Variants in KDM3A observed in about 807,000 individuals in gnomAD.
The protein encoded by KDM3A is lysine demethylase 3A.
KDM3A carries 60 observed loss-of-function variants against 158.0 expected under a neutral mutation model. The ratio of observed to expected loss-of-function variants is 0.38; its 90% CI spans 0.31 to 0.47. The LOEUF is 0.47. KDM3A is among the 20% of genes least tolerant of loss of function. The probability of loss-of-function intolerance (pLI) is 0.99; values close to 1 mark genes in which losing one functional copy is unlikely to be tolerated. For synonymous variants in KDM3A, 608 were observed against 549.3 expected (o/e 1.11, Z -1.49); for missense variants, 1,319 against 1,574.3 (o/e 0.84, Z 2.74).
intron 18 of KDM3A, 156 bp downstream of exon 18, chr2:86,482,850 C>CA (rs1674005227): frequency 4.2e-6 from 3 of 714,472 alleles, no homozygotes; most frequent in Non-Finnish European, 7.0e-6. Context: ...AGGATGTGGC[C>CA]ATGGGTCTTA....
At position 86,491,264 on chromosome 2, in the gene KDM3A, G is replaced by C. The variant is rs1202215448; in HGVS notation, c.3874G>C (p.Asp1292His). ...YLSQTHTNHEDKLQVKNVIYH... is the reference protein window; with the variant it reads ...YLSQTHTNHEHKLQVKNVIYH... ...GTCACAGACTCATACCAATCACGAA[G>C]ATAAATTACAGGTAAAAATAGCACC... is the stretch of plus-strand genomic sequence containing the variant. Residue 1292 changes from aspartate (D) to histidine (H), a missense_variant, in exon 25 of 26, where the codon GAT becomes CAT. This residue lies in a region of KDM3A where 186 missense variants were observed against 340.9 expected (regional missense o/e 0.55). Coordinates refer to ENST00000312912, the MANE Select transcript of KDM3A (RefSeq NM_018433.6). 1 of 1,613,626 alleles carries C rather than the reference G, an allele frequency of 6.2e-7. No homozygotes were observed. Among genetic ancestry groups the C allele is most frequent in the African/African-American group, 1.3e-5 (1 of 74,882 alleles).
chr2:86,476,240 A>G (rs1013620585), intron 12 of KDM3A, among the ~76,000 whole-genome samples: 2 of 152,352 alleles, frequency 1.3e-5, no homozygotes, highest in East Asian at 3.9e-4. Context: ...CATGACTGCA[A>G]TGTGGAAACA....
chr2:86,475,877 C>G (rs1435749784), intron 12 of KDM3A, among the ~76,000 whole-genome samples: 1 of 152,208 alleles, frequency 6.6e-6, no homozygotes, highest in Non-Finnish European at 1.5e-5. Flanking sequence ...AACTAACAAC[C>G]TAGCTTAAGC....
intron 15 of KDM3A, chr2:86,479,055 T>G (rs1673802084): frequency 5.6e-6 from 1 of 178,666 alleles, no homozygotes; most frequent in Non-Finnish European, 1.2e-5. Flanking sequence ...AAATTTTTTG[T>G]GTATTTTGCA....
chr2:86,453,039 A>C (rs1485954193), intron 4 of KDM3A, among the ~76,000 whole-genome samples: 1 of 152,146 alleles, frequency 6.6e-6, no homozygotes, highest in Non-Finnish European at 1.5e-5. Flanking sequence ...GGAATTTTTT[A>C]TTCTTAGTGC....
Position 86,491,577 on chromosome 2 carries a change from G to T in KDM3A, c.3885+302G>T, listed in dbSNP as rs965271603. 25 of 401,024 alleles carry T rather than the reference G, an allele frequency of 6.2e-5. 1 individual carries two copies. The South Asian group carries it at 7.5e-4, about 12-fold the overall frequency. 24.8% of individuals were successfully genotyped at this position (401,024 alleles called of 1,614,324 possible). On this transcript the variant is annotated intron_variant, in intron 25 of 25. Coordinates refer to ENST00000312912, the MANE Select transcript of KDM3A (RefSeq NM_018433.6). ...GATCTTGGCCCAGCTGCCTGTCGGG[G>T]TCTTGAACACAGTGCTTAACCTTCA...
chr2:86,486,676 C>T (rs573475628), intron 21 of KDM3A, among the ~76,000 whole-genome samples: 12 of 152,162 alleles, frequency 7.9e-5, no homozygotes, highest in Non-Finnish European at 1.3e-4. Flanking sequence ...GGGTGTCTTT[C>T]TCAAAAAGGA....
At chr2:86,440,223 G>C (rs1682618178), upstream of KDM3A, among the ~76,000 whole-genome samples, 1 of 151,994 alleles carries the variant, frequency 6.6e-6, no homozygotes, top group Non-Finnish European at 1.5e-5. Flanking sequence ...ATCACATTCA[G>C]AATATGTATA....
intron 21 of KDM3A, chr2:86,487,035 C>T (rs1039334190): frequency 1.3e-5 from 2 of 152,202 alleles, no homozygotes; most frequent in African/African-American, 4.8e-5. Flanking sequence ...AGGTCCTGTC[C>T]CTCGAGCCCC....
At chr2:86,478,109 T>C (rs1210110651) in intron 13 of KDM3A, 61 bp from the exon 14 acceptor site, 8 of 1,609,378 alleles carry the variant, frequency 5.0e-6, no homozygotes, top group Non-Finnish European at 6.0e-6. Flanking sequence ...TTGGCGGGTT[T>C]CTTGAAGCAT....
At chr2:86,451,294 TTAAA>T in intron 4 of KDM3A, 81 bp downstream of exon 4, 1 of 843,338 alleles carries the variant, frequency 1.2e-6, no homozygotes, top group Non-Finnish European at 1.8e-6. Context: ...CAGTTGAACC[TTAAA>T]TAGTGTGGGT....
Position 86,466,542 on chromosome 2 carries a change from C to G in KDM3A, c.1178C>G (p.Pro393Arg). ...GAGCCAAAAGGCAGCTGTACTCAGC[C>G]TAAGACAAACACTGATCAGGAAAAC... is the stretch of plus-strand genomic sequence containing the variant. ...LTEPKGSCTQPKTNTDQENRL... is the reference protein window; with the variant it reads ...LTEPKGSCTQRKTNTDQENRL... The change falls in exon 10 of 26, where the codon CCT (proline) becomes CGT (arginine). Residue 393 changes from proline (P) to arginine (R), a missense_variant. By Grantham distance (103) the Pro-to-Arg change is moderately radical. Coordinates refer to ENST00000312912, the MANE Select transcript of KDM3A (RefSeq NM_018433.6). 1 of 1,613,912 alleles carries G rather than the reference C, an allele frequency of 6.2e-7. No homozygotes were observed. Among genetic ancestry groups the G allele is most frequent in the Non-Finnish European group, 8.5e-7 (1 of 1,179,870 alleles).
intron 16 of KDM3A, among the ~76,000 whole-genome samples, chr2:86,481,125 A>G (rs1673906997): frequency 6.6e-6 from 1 of 152,218 alleles, no homozygotes; most frequent in African/African-American, 2.4e-5. Context: ...CATTAAGTAA[A>G]ATTCAGTACC....
At chr2:86,439,757 A>G (rs148364688), upstream of KDM3A, among the ~76,000 whole-genome samples, 812 of 152,276 alleles carry the variant, frequency 5.3e-3, 2 homozygotes, top group Non-Finnish European at 7.8e-3. Flanking sequence ...TTTTAGATTC[A>G]TAACAGTTCA....
chr2:86,453,842 A>G (rs1672574306), intron 4 of KDM3A, among the ~76,000 whole-genome samples: 1 of 152,220 alleles, frequency 6.6e-6, no homozygotes, highest in African/African-American at 2.4e-5. Context: ...TGGATGACCC[A>G]TTCTTGGTCA....
chr2:86,448,792 G>T (rs781383465), intron 2 of KDM3A, among the ~76,000 whole-genome samples: 10 of 152,154 alleles, frequency 6.6e-5, no homozygotes, highest in Non-Finnish European at 1.3e-4. Context: ...GTAAGAGGAG[G>T]AATTTTAAAT....
At chr2:86,439,622 C>G (rs1487610830), upstream of KDM3A, among the ~76,000 whole-genome samples, 1 of 151,956 alleles carries the variant, frequency 6.6e-6, no homozygotes, top group East Asian at 1.9e-4. Context: ...TTCTCCATAT[C>G]TTCCCTTATA....
chr2:86,483,802 T>G, intron 18 of KDM3A, 185 bp from the exon 19 acceptor site: 1 of 527,492 alleles, frequency 1.9e-6, no homozygotes. Flanking sequence ...GTGTAGCAGA[T>G]GAATGGTGAA....
At chr2:86,461,833 A>C (rs1177192719) in intron 8 of KDM3A, among the ~76,000 whole-genome samples, 1 of 152,146 alleles carries the variant, frequency 6.6e-6, no homozygotes, top group Non-Finnish European at 1.5e-5. Context: ...GGCTTAGAAC[A>C]CTAGGAGATG....
Sources: allele counts gnomAD v4.1 joint callset (sites outside exome capture counted in the v4.1 genomes callset), GRCh38; gene constraint gnomAD v4.1.1; regional missense constraint gnomAD v4.1.1; transcripts MANE v1.5; gene names NCBI Gene and HGNC (gene_info 2026-07-23, HGNC 2026-07-21).